Variants in MSN observed in about 807,000 individuals in gnomAD.
The protein encoded by MSN is epididymis luminal protein 70.
In MSN, 2 loss-of-function variants were observed where a neutral mutation model predicts 48.0. The ratio of observed to expected loss-of-function variants is 0.04; its 90% CI spans 0.02 to 0.13. The LOEUF is 0.13. MSN is among the 10% of genes least tolerant of loss of function. The probability of loss-of-function intolerance (pLI) is 1.00; values close to 1 mark genes in which losing one functional copy is unlikely to be tolerated. For missense variants in MSN, 267 were observed against 470.1 expected, an observed-to-expected ratio of 0.57 and a Z score of 3.99; for synonymous variants, 146 against 166.9, an observed-to-expected ratio of 0.87 and a Z score of 0.97.
upstream of MSN, chrX:65,667,561 G>C: frequency 1.2e-6 from 1 of 807,791 alleles, no homozygotes; most frequent in Non-Finnish European, 1.5e-6. Flanking sequence ...GGCTGGGCGG[G>C]GCAAGGCCAG....
intron 1 of MSN, among the ~76,000 whole-genome samples, chrX:65,603,250 C>T (rs187439340): frequency 1.8e-5 from 2 of 112,027 alleles, no homozygotes; most frequent in East Asian, 2.8e-4. Flanking sequence ...GCTGAGATCA[C>T]GCCACTGCAC....
At chrX:65,659,133 C>T (rs925904059) in intron 1 of MSN, among the ~76,000 whole-genome samples, 1 of 109,343 alleles carries the variant, frequency 9.1e-6, no homozygotes, top group Non-Finnish European at 1.9e-5. Flanking sequence ...TGTGAGCCAC[C>T]GTGCCTGGCT....
intron 1 of MSN, among the ~76,000 whole-genome samples, chrX:65,713,240 C>T (rs948420573): frequency 1.5e-4 from 17 of 111,126 alleles, no homozygotes; most frequent in African/African-American, 5.6e-4. Context: ...TTCTAGTGCC[C>T]GTGAAATCAT....
intron 1 of MSN, among the ~76,000 whole-genome samples, chrX:65,709,869 T>C (rs2071397576): frequency 8.9e-6 from 1 of 112,039 alleles, no homozygotes; most frequent in South Asian, 3.7e-4. Flanking sequence ...GGGTGTTTTC[T>C]TCCAAAAAGC....
chrX:65,616,992 T>C (rs2070379482), intron 1 of MSN, among the ~76,000 whole-genome samples: 1 of 110,059 alleles, frequency 9.1e-6, no homozygotes, highest in African/African-American at 3.4e-5. Flanking sequence ...TGGCTCTGTT[T>C]ATATGCTGGA....
chrX:65,721,012 T>A (rs1011821026), intron 2 of MSN, among the ~76,000 whole-genome samples: 2 of 112,216 alleles, frequency 1.8e-5, no homozygotes, highest in African/African-American at 6.5e-5. Context: ...ACTAAAGGGC[T>A]GTGCTCAAGG....
chrX:65,616,167 T>C (rs1245313722), intron 1 of MSN, among the ~76,000 whole-genome samples: 3 of 111,689 alleles, frequency 2.7e-5, no homozygotes, highest in African/African-American at 9.8e-5. Context: ...TCTTTTGGCT[T>C]AGGATTGCTT....
At chrX:65,651,662 A>G (rs1209063297) in intron 1 of MSN, among the ~76,000 whole-genome samples, 1 of 106,928 alleles carries the variant, frequency 9.4e-6, no homozygotes, top group East Asian at 3.0e-4. Context: ...ATCTCAGCTC[A>G]CTGCAACCTC....
intron 1 of MSN, among the ~76,000 whole-genome samples, chrX:65,672,964 TAC>T (rs2070957314): frequency 9.0e-6 from 1 of 111,645 alleles, no homozygotes; most frequent in East Asian, 2.8e-4. Context: ...TGTCCCATTA[TAC>T]TCCTTGAGTG....
At chrX:65,615,695 A>C (rs759996263) in intron 1 of MSN, among the ~76,000 whole-genome samples, 20,433 of 103,693 alleles carry the variant, frequency 0.2, 5,932 homozygotes, top group African/African-American at 0.74. Flanking sequence ...GCTGTGCAGA[A>C]GCTCTTTAGT....
At chrX:65,711,785 A>G (rs562583149) in intron 1 of MSN, among the ~76,000 whole-genome samples, 2 of 111,635 alleles carry the variant, frequency 1.8e-5, no homozygotes, top group African/African-American at 6.5e-5. Flanking sequence ...GTGGCACAAA[A>G]AAGTCAAGAT....
At chrX:65,664,058 T>TAAA (rs2070847137), upstream of MSN, among the ~76,000 whole-genome samples, 1 of 80,592 alleles carries the variant, frequency 1.2e-5, no homozygotes, top group African/African-American at 5.0e-5. Flanking sequence ...AGACTCCATC[T>TAAA]CAAAAAAAAA....
chrX:65,595,654 A>T (rs1292298415), intron 1 of MSN, among the ~76,000 whole-genome samples: 1 of 112,391 alleles, frequency 8.9e-6, no homozygotes, highest in East Asian at 2.8e-4. Flanking sequence ...TTTATGAGAA[A>T]TCACTCTGGG....
intron 3 of MSN, among the ~76,000 whole-genome samples, chrX:65,728,630 G>GA (rs373576294): frequency 2.5e-4 from 27 of 105,902 alleles, no homozygotes; most frequent in African/African-American, 3.4e-4. Flanking sequence ...TCTTGAACTA[G>GA]AAAAAAAAAA....
Position 65,617,390 on chromosome X carries a change from T to C in MSN, c.-22+28778T>C, listed in dbSNP as rs1415779585. Among the ~76,000 whole-genome samples, 34 of 108,261 alleles carry C rather than the reference T, an allele frequency of 3.1e-4. 1 individual carries two copies. The highest frequency in any genetic ancestry group is 1.2e-3 in the African/African-American group (33 of 27,669). The allele number at this position is 108,261 out of a possible 115,157, so 94.0% of individuals were successfully genotyped here. A position where few individuals can be genotyped will look rare whatever the true frequency, so the allele number is the denominator to read the frequency against. Reference sequence around the variant, plus strand: ...TTATTGCCACAATTTCAGCTCCTGTTATTGGTCTATTCAGAGATTCAACTT... The same window carrying C: ...TTATTGCCACAATTTCAGCTCCTGTCATTGGTCTATTCAGAGATTCAACTT... On this transcript the variant is annotated intron_variant, in intron 1 of 3. Transcript: ENST00000609672.
At chrX:65,700,810 A>G (rs1208208808) in intron 1 of MSN, among the ~76,000 whole-genome samples, 2 of 111,858 alleles carry the variant, frequency 1.8e-5, no homozygotes. Context: ...CGGCAAATCC[A>G]TGATTTTTAC....
At chrX:65,619,373 A>G (rs1300112169) in intron 1 of MSN, among the ~76,000 whole-genome samples, 2 of 97,366 alleles carry the variant, frequency 2.1e-5, no homozygotes, top group African/African-American at 5.3e-5. Context: ...GTCTTTTCAC[A>G]TAGTCCCATA....
intron 3 of MSN, 125 bp from the exon 4 acceptor site, chrX:65,729,313 G>C (rs924663337): frequency 2.6e-5 from 19 of 736,667 alleles, no homozygotes; most frequent in Middle Eastern, 9.7e-4. Flanking sequence ...TACCAGGGGA[G>C]TTGCCACCCA....
intron 1 of MSN, among the ~76,000 whole-genome samples, chrX:65,626,715 C>G (rs907382642): frequency 9.0e-6 from 1 of 111,689 alleles, no homozygotes; most frequent in Non-Finnish European, 1.9e-5. Context: ...CCAGTCTTTG[C>G]AGATTGTCTC....
Sources: allele counts gnomAD v4.1 joint callset (sites outside exome capture counted in the v4.1 genomes callset), GRCh38; gene constraint gnomAD v4.1.1; transcripts MANE v1.5; gene names NCBI Gene and HGNC (gene_info 2026-07-23, HGNC 2026-07-21).